TMEM132D: variants seen among roughly 807,000 people sequenced by gnomAD.
TMEM132D encodes the protein mature OL transmembrane protein.
In TMEM132D, 21 loss-of-function variants were observed where a neutral mutation model predicts 62.3. That is an observed-to-expected ratio of 0.34 (90% CI 0.24 to 0.49). The LOEUF (loss-of-function observed/expected upper bound fraction) is 0.49, where lower values mean the gene tolerates loss of function less well. Ranked by LOEUF, TMEM132D falls within the 20% of genes least tolerant of loss-of-function variation. The pLI, the probability that TMEM132D is intolerant of heterozygous loss-of-function variation, is 0.99. For synonymous variants in TMEM132D, 621 were observed against 575.6 expected (o/e 1.08, Z -1.13); for missense variants, 1,346 against 1,402.8 (o/e 0.96, Z 0.65).
intron 4 of TMEM132D, among the ~76,000 whole-genome samples, chr12:129,279,545 C>G (rs76130543): frequency 6.6e-6 from 1 of 151,632 alleles, no homozygotes; most frequent in Non-Finnish European, 1.5e-5. Context: ...ATTTCCTTAA[C>G]TTGATTTTTT....
At chr12:129,636,324 C>T (rs923230771) in intron 2 of TMEM132D, among the ~76,000 whole-genome samples, 1 of 152,266 alleles carries the variant, frequency 6.6e-6, no homozygotes, top group African/African-American at 2.4e-5. Flanking sequence ...GCTTTGGTTC[C>T]TTCCAAGGCC....
chr12:129,155,662 C>T (rs754071887), intron 5 of TMEM132D, among the ~76,000 whole-genome samples: 5 of 152,184 alleles, frequency 3.3e-5, no homozygotes, highest in Admixed American at 6.5e-5. Context: ...AGGGGGCAGA[C>T]GGCCAAAGGC....
At chr12:129,876,560 G>C (rs547667325) in intron 1 of TMEM132D, among the ~76,000 whole-genome samples, 4 of 152,294 alleles carry the variant, frequency 2.6e-5, no homozygotes, top group African/African-American at 9.6e-5. Context: ...AGAAAAACAA[G>C]AGAATTTATT....
At chr12:129,828,940 G>A (rs1414431380) in intron 1 of TMEM132D, among the ~76,000 whole-genome samples, 2 of 151,770 alleles carry the variant, frequency 1.3e-5, no homozygotes, top group East Asian at 2.0e-4. Context: ...AGAGGTGGAA[G>A]GGTATAAAGC....
In TMEM132D at chr12:129,074,806, G is replaced by A. The variant is rs542438666; in HGVS notation, c.2369C>T (p.Thr790Met). The A allele has an allele frequency of 4.1e-5, 66 of 1,614,066 alleles. No homozygotes were observed. Among genetic ancestry groups the A allele is most frequent in the South Asian group, 1.3e-4 (12 of 91,068 alleles). ...SKRKSVLAVG[T>M]ANIKVKFGQN... Reference sequence around the variant, plus strand: ...GCCAAATTTAACTTTGATGTTTGCCGTTCCAACAGCTAACACACTCTTCCG... The same window carrying A: ...GCCAAATTTAACTTTGATGTTTGCCATTCCAACAGCTAACACACTCTTCCG... The change falls in exon 9 of 9, where the codon ACG (threonine) becomes ATG (methionine). Residue 790 changes from threonine (T) to methionine (M), a missense_variant. By Grantham distance (81) the Thr-to-Met change is moderately conservative. Coordinates refer to ENST00000422113, the MANE Select transcript of TMEM132D (RefSeq NM_133448.3).
intron 1 of TMEM132D, among the ~76,000 whole-genome samples, chr12:129,745,187 T>G (rs1869736720): frequency 6.6e-6 from 1 of 152,226 alleles, no homozygotes; most frequent in Non-Finnish European, 1.5e-5. Context: ...TCTTGGATAC[T>G]TCTTTATATC....
chr12:129,337,854 A>T (rs370741854), intron 3 of TMEM132D, 37 bp from the exon 4 acceptor site: 49 of 1,563,672 alleles, frequency 3.1e-5, no homozygotes, highest in Non-Finnish European at 4.1e-5. Flanking sequence ...GCTTTCAGGG[A>T]CTGATGAGGT....
chr12:129,449,708 T>A (rs1325254748), intron 3 of TMEM132D, among the ~76,000 whole-genome samples: 1 of 152,176 alleles, frequency 6.6e-6, no homozygotes, highest in African/African-American at 2.4e-5. Context: ...GCACACCAAG[T>A]GTGAATCCAG....
At position 129,450,460 on chromosome 12, in the gene TMEM132D, T is replaced by C. The variant is rs566192832; in HGVS notation, c.1115+80599A>G. Among the ~76,000 whole-genome samples the C allele has an allele frequency of 5.9e-5, 9 of 152,302 alleles. No homozygotes were observed. In the South Asian group the frequency reaches 1.9e-3, roughly 32 times the overall value. ...CTTGCACCCCTGAACTTAAAAGTTTTAGAAAAGAGTTTCAATGATGCTTGG... is the reference window on the plus strand; with the variant it reads ...CTTGCACCCCTGAACTTAAAAGTTTCAGAAAAGAGTTTCAATGATGCTTGG... On this transcript the variant is annotated intron_variant, in intron 3 of 8. Coordinates refer to ENST00000422113, the MANE Select transcript of TMEM132D (RefSeq NM_133448.3).
intron 2 of TMEM132D, among the ~76,000 whole-genome samples, chr12:129,697,973 G>C (rs934089783): frequency 6.6e-6 from 1 of 152,116 alleles, no homozygotes; most frequent in African/African-American, 2.4e-5. Flanking sequence ...TCAGGGGATT[G>C]CAGTGTTTAA....
intron 2 of TMEM132D, among the ~76,000 whole-genome samples, chr12:129,534,928 C>T (rs1197420984): frequency 7.1e-6 from 1 of 141,350 alleles, no homozygotes; most frequent in Non-Finnish European, 1.5e-5. Flanking sequence ...TCCCCATCCT[C>T]CCATCCAGTC....
chr12:129,477,883 CAGAGAG>C (rs928793852), intron 3 of TMEM132D, among the ~76,000 whole-genome samples: 6 of 150,700 alleles, frequency 4.0e-5, no homozygotes, highest in African/African-American at 1.5e-4. Context: ...GAGAGAGAGA[CAGAGAG>C]AGAGAGTCAT....
intron 4 of TMEM132D, among the ~76,000 whole-genome samples, chr12:129,271,332 C>T (rs1478919349): frequency 1.3e-5 from 2 of 151,854 alleles, no homozygotes; most frequent in East Asian, 3.9e-4. Flanking sequence ...GATTCTCTGA[C>T]TTGAAATCTT....
chr12:129,352,359 C>A (rs1869893416), intron 3 of TMEM132D, among the ~76,000 whole-genome samples: 1 of 152,038 alleles, frequency 6.6e-6, no homozygotes, highest in African/African-American at 2.4e-5. Context: ...AAGCTTTGTA[C>A]CTAGGGTGGA....
At chr12:129,558,861 A>G (rs1877135208) in intron 2 of TMEM132D, among the ~76,000 whole-genome samples, 2 of 152,194 alleles carry the variant, frequency 1.3e-5, no homozygotes, top group Non-Finnish European at 2.9e-5. Context: ...GAAACACTGA[A>G]TGGAGTGTAC....
chr12:129,236,650 A>G (rs745887213), intron 4 of TMEM132D, among the ~76,000 whole-genome samples: 8 of 151,952 alleles, frequency 5.3e-5, no homozygotes, highest in South Asian at 2.1e-4. Flanking sequence ...GGTTATCTAT[A>G]TATAAGGTCA....
intron 1 of TMEM132D, among the ~76,000 whole-genome samples, chr12:129,731,883 CG>C (rs756241262): frequency 2.0e-5 from 3 of 152,080 alleles, no homozygotes; most frequent in Non-Finnish European, 4.4e-5. Context: ...AGGATGGTCT[CG>C]ATCTCCTGAC....
chr12:129,894,169 T>C (rs1017763065), intron 1 of TMEM132D, among the ~76,000 whole-genome samples: 1 of 152,206 alleles, frequency 6.6e-6, no homozygotes, highest in South Asian at 2.1e-4. Context: ...CTCACAATCA[T>C]GGCAAAAGGC....
At chr12:129,082,070 G>T (rs761643725) in intron 6 of TMEM132D, 38 bp from the exon 7 acceptor site, 2 of 1,566,322 alleles carry the variant, frequency 1.3e-6, no homozygotes, top group Non-Finnish European at 1.7e-6. Flanking sequence ...ACAGTTACTT[G>T]TTGGTCCTCT....
Sources: allele counts gnomAD v4.1 joint callset (sites outside exome capture counted in the v4.1 genomes callset), GRCh38; gene constraint gnomAD v4.1.1; transcripts MANE v1.5; gene names NCBI Gene and HGNC (gene_info 2026-07-23, HGNC 2026-07-21).